Variants in SMARCA4 observed in about 807,000 individuals in gnomAD.
The protein encoded by SMARCA4 is SWI/SNF related BAF chromatin remodeling complex subunit ATPase 4.
SMARCA4 carries 31 observed loss-of-function variants against 193.9 expected under a neutral mutation model. That is an observed-to-expected ratio of 0.16 (90% CI 0.12 to 0.22). The LOEUF (loss-of-function observed/expected upper bound fraction) is 0.22. Ranked by LOEUF, SMARCA4 falls within the 10% of genes least tolerant of loss-of-function variation. The pLI is 1.00. For synonymous variants in SMARCA4, 942 were observed against 933.1 expected (o/e 1.01, Z -0.17); for missense variants, 1,148 against 2,296.0 (o/e 0.50, Z 10.22).
chr19:11,020,988 C>T (rs537455096), intron 18 of SMARCA4: 72 of 156,304 alleles, frequency 4.6e-4, no homozygotes, highest in Middle Eastern at 6.7e-3. Context: ...TGCTTTATCC[C>T]GGAGCCAACA....
intron 1 of SMARCA4, among the ~76,000 whole-genome samples, chr19:10,979,734 A>G (rs1173888435): frequency 1.3e-5 from 2 of 151,260 alleles, no homozygotes; most frequent in Non-Finnish European, 2.9e-5. Context: ...TAATATATGT[A>G]TTATAGACGT....
In SMARCA4 at chr19:11,041,388, G is replaced by A. The variant is rs761083981; in HGVS notation, c.4252G>A (p.Asp1418Asn). Residue 1418 changes from aspartate to asparagine, a missense_variant, in exon 30 of 35, where the codon GAC (aspartate) becomes AAC (asparagine). By Grantham distance (23) the Asp-to-Asn change is conservative (BLOSUM62 1). Around this residue, in one of 17 missense-constraint regions of SMARCA4, gnomAD observed 141 missense variants for 193.0 expected, o/e 0.73. Coordinates refer to ENST00000344626, the MANE Select transcript of SMARCA4 (RefSeq NM_003072.5). This position sits in a 1 kb window ranked among gnomAD's most constrained non-coding sequence, Gnocchi z 5.6. ...KSSRKRKRDSDAGSSTPTTST... is the reference protein window; with the variant it reads ...KSSRKRKRDSNAGSSTPTTST... ...ATCACGGAAGCGCAAGCGAGACAGC[G>A]ACGCCGGCTCCTCCACCCCGACCAC... The A allele has an allele frequency of 5.6e-6, 9 of 1,612,482 alleles. No individual in the cohort carries two copies. The highest frequency in any genetic ancestry group is 2.2e-5 in the East Asian group (1 of 44,898).
At chr19:10,988,183 C>T (rs771034286) in intron 6 of SMARCA4, among the ~76,000 whole-genome samples, 2 of 151,900 alleles carry the variant, frequency 1.3e-5, no homozygotes, top group Non-Finnish European at 2.9e-5. Context: ...TGCAATGGCA[C>T]AATCTCGGTT....
At chr19:10,963,737 C>G (rs555807235) in intron 1 of SMARCA4, among the ~76,000 whole-genome samples, 1 of 151,910 alleles carries the variant, frequency 6.6e-6, no homozygotes, top group Non-Finnish European at 1.5e-5. Context: ...CGCTAACACA[C>G]TGCTGCACCT....
chr19:11,060,780 G>C (rs116806104), intron 34 of SMARCA4, among the ~76,000 whole-genome samples: 1,588 of 152,312 alleles, frequency 0.01, 24 homozygotes, highest in African/African-American at 0.036. Flanking sequence ...TGGATTAGGG[G>C]GCTGCCCCCA....
At position 11,058,571 on chromosome 19, in the gene SMARCA4, C is replaced by T. The variant is rs1600632944; in HGVS notation, c.4533+208C>T. ...GTCCTGAGGGATGTCAGTGGGCAGT[C>T]GGTGTTGGGTGTTCCTTCAAGGTCC... On this transcript the variant is annotated intron_variant, in intron 31 of 34. Transcript: ENST00000344626. This position sits in a 1 kb window ranked among gnomAD's most constrained non-coding sequence, Gnocchi z 5.8. Among the ~76,000 whole-genome samples the T allele has an allele frequency of 6.6e-6, 1 of 152,054 alleles. No individual in the cohort carries two copies. The highest frequency in any genetic ancestry group is 1.5e-5 in the Non-Finnish European group (1 of 68,004).
chr19:11,037,016 G>A (rs906377562), intron 29 of SMARCA4, among the ~76,000 whole-genome samples: 1 of 152,136 alleles, frequency 6.6e-6, no homozygotes, highest in African/African-American at 2.4e-5. Flanking sequence ...TGTCACATTC[G>A]GTTTTTCTGT....
At chr19:11,000,532 T>G (rs902855965) in intron 11 of SMARCA4, among the ~76,000 whole-genome samples, 2 of 151,480 alleles carry the variant, frequency 1.3e-5, no homozygotes, top group African/African-American at 2.4e-5. Flanking sequence ...AGACAGGGTC[T>G]CTCTCTGTCA....
chr19:10,963,920 G>A (rs548756521), intron 1 of SMARCA4, among the ~76,000 whole-genome samples: 1 of 152,218 alleles, frequency 6.6e-6, no homozygotes, highest in East Asian at 1.9e-4. Flanking sequence ...GGGTGACGAA[G>A]CGAGACCCTG....
intron 12 of SMARCA4, 65 bp downstream of exon 12, chr19:11,003,224 G>A (rs975503013): frequency 1.2e-6 from 2 of 1,611,752 alleles, no homozygotes; most frequent in Admixed American, 3.3e-5. Context: ...TTGTTCCAGG[G>A]AGGTGGCAGC....
chr19:10,997,916 C>T (rs1278057735), intron 11 of SMARCA4, among the ~76,000 whole-genome samples: 4 of 152,236 alleles, frequency 2.6e-5, no homozygotes, highest in Non-Finnish European at 4.4e-5. Context: ...AACATTGGTA[C>T]AGCACTGTTA....
intron 29 of SMARCA4, among the ~76,000 whole-genome samples, chr19:11,035,564 C>A (rs906884267): frequency 6.6e-6 from 1 of 152,018 alleles, no homozygotes; most frequent in South Asian, 2.1e-4. Context: ...TTGGGCAAGT[C>A]CCCCCCCATG....
At position 10,986,784 on chromosome 19, in the gene SMARCA4, T is replaced by G. The variant is rs551626161; in HGVS notation, c.761-121T>G. On this transcript the variant is annotated intron_variant, in intron 4 of 34. Transcript: ENST00000344626. The surrounding 1 kb of genome is among the most constrained non-coding windows in gnomAD (Gnocchi z 6.7). ...TGCTTCCCCAGCTCCCCGCTTCCCC[T>G]GGGGCCGCTGGTTAATAGGTGTATC... 8.2e-7 allele frequency: 1 copy of G among 1,222,486 alleles called. No homozygotes were observed. The highest frequency in any genetic ancestry group is 2.4e-5 in the East Asian group (1 of 41,556). 75.7% of individuals were successfully genotyped at this position (1,222,486 alleles called of 1,614,324 possible).
Position 10,996,554 on chromosome 19 carries a change from C to A in SMARCA4, c.1812+10C>A, listed in dbSNP as rs1600085349. On this transcript the variant is annotated intron_variant, in intron 11 of 34. Coordinates refer to ENST00000344626, the MANE Select transcript of SMARCA4 (RefSeq NM_003072.5). ...TGGGCCGGATGGCGAGGTGAGGAAG[C>A]AGGGTTTCTTGTGGAAGTATCAAGC... 6.2e-7 allele frequency: 1 copy of A among 1,613,626 alleles called. No individual in the cohort carries two copies. Among genetic ancestry groups the A allele is most frequent in the Non-Finnish European group, 8.5e-7 (1 of 1,179,488 alleles).
rs2075115952 is a variant in SMARCA4, at chr19:11,034,107, G to A, written c.3874-16G>A. On this transcript the variant is annotated splice_polypyrimidine_tract_variant and intron_variant, in intron 27 of 34. Transcript: ENST00000344626. This position sits in a 1 kb window ranked among gnomAD's most constrained non-coding sequence, Gnocchi z 7.0. ...CGGCCCCTCCTCAGCGGCACTGACA[G>A]TTTGCAATCTTATAGGAGGAAGACG... 6.2e-7 allele frequency: 1 copy of A among 1,609,988 alleles called. No homozygotes were observed. Among genetic ancestry groups the A allele is most frequent in the South Asian group, 1.1e-5 (1 of 91,014 alleles).
In SMARCA4 at chr19:10,984,193, A is replaced by G. The variant is rs1599928429; in HGVS notation, c.42A>G (p.Pro14=). 1.2e-6 allele frequency: 2 copies of G among 1,613,398 alleles called. No individual in the cohort carries two copies. The highest frequency in any genetic ancestry group is 1.7e-6 in the Non-Finnish European group (2 of 1,179,768). ...CACCCCTGGGCGGAACTCCTCGGCC[A>G]GGTCCTTCCCCGGGCCCTGGCCCTT... ...PDPPLGGTPR[P]GPSPGPGPSP... is the part of the protein sequence containing the mutation. Residue 14 remains proline, a synonymous_variant, in exon 2 of 35, where the codon CCA becomes CCG. Transcript: ENST00000344626. The surrounding 1 kb of genome is among the most constrained non-coding windows in gnomAD (Gnocchi z 4.3).
chr19:10,986,638 C>G lies in SMARCA4; in HGVS notation c.760+45C>G, dbSNP rs1468745887. 1 of 1,534,828 alleles carries G rather than the reference C, an allele frequency of 6.5e-7. No homozygotes were observed. The highest frequency in any genetic ancestry group is 8.7e-7 in the Non-Finnish European group (1 of 1,146,650). ...CCCTCAGGTGTCTCAGAGCGAATGG[C>G]TGGGGCGTGGGTGGCGGGGTGGACA... On this transcript the variant is annotated intron_variant, in intron 4 of 34. Coordinates refer to ENST00000344626, the MANE Select transcript of SMARCA4 (RefSeq NM_003072.5). This position sits in a 1 kb window ranked among gnomAD's most constrained non-coding sequence, Gnocchi z 6.7.
chr19:10,980,751 CT>C (rs1297973632), intron 1 of SMARCA4: 2 of 152,106 alleles, frequency 1.3e-5, no homozygotes, highest in Non-Finnish European at 2.9e-5. Context: ...TGACCTGGAT[CT>C]TTTTCTCTTT....
intron 11 of SMARCA4, among the ~76,000 whole-genome samples, chr19:11,000,570 C>T (rs2087534737): frequency 6.6e-6 from 1 of 151,428 alleles, no homozygotes; most frequent in Non-Finnish European, 1.5e-5. Flanking sequence ...GTTCTGAAGC[C>T]ATCTGGAGGA....
Sources: gnomAD v4.1 joint callset for allele counts (sites outside exome capture counted in the v4.1 genomes callset) on GRCh38, gnomAD v4.1.1 for gene constraint, gnomAD v4.1.1 regional missense constraint, Gnocchi (gnomAD v3.1) non-coding constraint, MANE v1.5 for transcripts, NCBI Gene and HGNC (gene_info 2026-07-23, HGNC 2026-07-21) for gene names.